The following TMEM150B variants were observed in gnomAD, a reference collection of about 807,000 sequenced individuals.
The protein encoded by TMEM150B is modulator of macroautophagy TMEM150B.
Under a neutral mutation model 25.2 loss-of-function variants are expected in TMEM150B, and 33 were observed. That is an observed-to-expected ratio of 1.31 (90% confidence interval 0.99 to 1.75). The LOEUF (loss-of-function observed/expected upper bound fraction) is 1.75, where lower values mean the gene tolerates loss of function less well. Among genes scored for constraint, TMEM150B ranks in the 40% most tolerant of loss-of-function variants. The pLI, the probability that TMEM150B is intolerant of heterozygous loss-of-function variation, is 0.00. For synonymous variants in TMEM150B, 133 were observed against 134.8 expected (o/e 0.99, Z 0.09); for missense variants, 322 against 306.1 (o/e 1.05, Z -0.39).
At chr19:55,319,842 C>A in intron 6 of TMEM150B, 197 bp downstream of exon 6, 1 of 1,415,694 alleles carries the variant, frequency 7.1e-7, no homozygotes, top group Non-Finnish European at 9.2e-7. Flanking sequence ...ATACAAACAG[C>A]CTCGCTCGTA....
downstream of TMEM150B, among the ~76,000 whole-genome samples, chr19:55,311,253 C>T (rs1279418028): frequency 2.0e-5 from 3 of 152,304 alleles, no homozygotes; most frequent in East Asian, 3.9e-4. Context: ...TGAGCCACTG[C>T]GCCCGGCCCA....
At chr19:55,312,653 AGGCGGG>A (rs892549433), downstream of TMEM150B, 162 of 533,924 alleles carry the variant, frequency 3.0e-4, no homozygotes, top group Middle Eastern at 2.0e-3. Context: ...CAGGGCCCGA[AGGCGGG>A]GACGGGGATG....
intron 1 of TMEM150B, 53 bp from the exon 2 acceptor site, chr19:55,322,796 G>T: frequency 1.1e-6 from 1 of 902,354 alleles, no homozygotes; most frequent in Non-Finnish European, 1.3e-6. Flanking sequence ...TGGTCTGACT[G>T]CCACTTCCTA....
downstream of TMEM150B, chr19:55,312,533 CAAAAAAAAAA>C (rs372052269): frequency 3.3e-3 from 86 of 25,746 alleles, no homozygotes; most frequent in South Asian, 8.4e-3. Context: ...CCGCCGGCGG[CAAAAAAAAAA>C]AAAAAAAAAA....
At chr19:55,320,285 A>T in intron 5 of TMEM150B, 106 bp downstream of exon 5, 1 of 1,507,930 alleles carries the variant, frequency 6.6e-7, no homozygotes, top group South Asian at 1.3e-5. Context: ...GATTTTGGGG[A>T]AAGAGGGGCC....
rs767786154 is a variant in TMEM150B at position 55,317,012 on chromosome 19, G to A, written c.325-46C>T. ...TTGGGAGGGAGACTCTGGGAAGGAGGGTAAGGGGCACCAGAGGGGCCAGGG... is the reference window on the plus strand; with the variant it reads ...TTGGGAGGGAGACTCTGGGAAGGAGAGTAAGGGGCACCAGAGGGGCCAGGG... On this transcript the variant is annotated intron_variant, in intron 6 of 7. Transcript: ENST00000326652. 9 of 1,553,032 alleles carry A rather than the reference G, an allele frequency of 5.8e-6. No homozygotes were observed. In the African/African-American group the frequency reaches 9.7e-5, roughly 17 times the overall value.
downstream of TMEM150B, among the ~76,000 whole-genome samples, chr19:55,311,168 G>A (rs2088784280): frequency 6.6e-6 from 1 of 152,064 alleles, no homozygotes; most frequent in Admixed American, 6.6e-5. Context: ...CACCATGTTG[G>A]CCAGGCTGGT....
intron 1 of TMEM150B, among the ~76,000 whole-genome samples, chr19:55,324,300 C>G (rs1305388621): frequency 6.7e-6 from 1 of 150,050 alleles, no homozygotes; most frequent in African/African-American, 2.5e-5. Context: ...GTCAGGAGAT[C>G]GAGACCAGCC....
chr19:55,320,738 C>T, intron 3 of TMEM150B, 121 bp from the exon 4 acceptor site: 1 of 1,294,838 alleles, frequency 7.7e-7, no homozygotes, highest in Non-Finnish European at 1.1e-6. Context: ...CCCCCAGCCC[C>T]TCCTCCCTCA....
At chr19:55,322,938 C>A (rs745633512) in intron 1 of TMEM150B, among the ~76,000 whole-genome samples, 195 bp from the exon 2 acceptor site, 1 of 152,098 alleles carries the variant, frequency 6.6e-6, no homozygotes, top group Non-Finnish European at 1.5e-5. Flanking sequence ...GCCCTATCCT[C>A]CCCTGGACTC....
At chr19:55,321,139 GC>G (rs1342174684) in intron 2 of TMEM150B, 46 bp from the exon 3 acceptor site, 12 of 1,486,562 alleles carry the variant, frequency 8.1e-6, no homozygotes, top group Non-Finnish European at 9.8e-6. Context: ...TGAGATTGTG[GC>G]CCCAACCACT....
Position 55,314,286 on chromosome 19 carries a change from C to T in TMEM150B, c.506-1231G>A, listed in dbSNP as rs192945701. On this transcript the variant is annotated intron_variant, in intron 7 of 7. Coordinates refer to ENST00000326652, the MANE Select transcript of TMEM150B (RefSeq NM_001282011.2). ...ATCCGCCCGCCTTAGTCTCCCAAAGCGCTGGGATTATGGGCATGAGCCACA... is the reference window on the plus strand; with the variant it reads ...ATCCGCCCGCCTTAGTCTCCCAAAGTGCTGGGATTATGGGCATGAGCCACA... 1.3e-4 allele frequency among the ~76,000 whole-genome samples: 20 copies of T among 152,246 alleles called. No individual in the cohort carries two copies. In the East Asian group the frequency reaches 3.5e-3, roughly 26 times the overall value.
intron 7 of TMEM150B, 101 bp from the exon 8 acceptor site, chr19:55,313,156 C>G (rs955684346): frequency 1.8e-5 from 23 of 1,254,302 alleles, no homozygotes; most frequent in Non-Finnish European, 2.5e-5. Context: ...TCTGGGTGTC[C>G]CCATCCTCAG....
At chr19:55,313,237 C>T (rs1214514448) in intron 7 of TMEM150B, among the ~76,000 whole-genome samples, 182 bp from the exon 8 acceptor site, 1 of 152,168 alleles carries the variant, frequency 6.6e-6, no homozygotes, top group Non-Finnish European at 1.5e-5. Context: ...CAGCCGGTCT[C>T]CATCTCAAGC....
intron 7 of TMEM150B, among the ~76,000 whole-genome samples, chr19:55,313,257 A>C (rs1252823076): frequency 6.6e-6 from 1 of 151,946 alleles, no homozygotes. Context: ...CTGCTTGCAC[A>C]TGCTTTCCTT....
At chr19:55,311,944 G>A (rs1600204200), downstream of TMEM150B, 10 of 1,611,138 alleles carry the variant, frequency 6.2e-6, no homozygotes, top group East Asian at 2.2e-4. Context: ...CGGCCTGCTG[G>A]TGCCCCACCC....
chr19:55,314,661 A>G (rs1328549188), intron 7 of TMEM150B, among the ~76,000 whole-genome samples: 1 of 149,164 alleles, frequency 6.7e-6, no homozygotes, highest in Admixed American at 6.8e-5. Context: ...GGCTAAACTG[A>G]TCATCAGGGC....
intron 7 of TMEM150B, among the ~76,000 whole-genome samples, chr19:55,315,420 A>G (rs2088963575): frequency 6.6e-6 from 1 of 152,058 alleles, no homozygotes; most frequent in African/African-American, 2.4e-5. Flanking sequence ...TCATGAGGTC[A>G]GGAGTTCGAG....
chr19:55,319,257 A>C (rs539606834), intron 6 of TMEM150B, among the ~76,000 whole-genome samples: 1 of 150,466 alleles, frequency 6.6e-6, no homozygotes, highest in African/African-American at 2.5e-5. Flanking sequence ...GCTTACAGGC[A>C]CCTGCCACCA....
Sources: gnomAD v4.1 joint callset for allele counts (sites outside exome capture counted in the v4.1 genomes callset) on GRCh38, gnomAD v4.1.1 for gene constraint, MANE v1.5 for transcripts, NCBI Gene and HGNC (gene_info 2026-07-23, HGNC 2026-07-21) for gene names.